LUZP2: variants seen among roughly 807,000 people sequenced by gnomAD.
LUZP2 encodes leucine zipper protein 2.
In LUZP2, 52 loss-of-function variants were observed where a neutral mutation model predicts 51.6. That is an observed-to-expected ratio of 1.01 (90% confidence interval 0.81 to 1.27). The LOEUF is 1.27. Ranked by LOEUF, LUZP2 falls within the 50% of genes most tolerant of loss-of-function variation. LUZP2 has a pLI of 0.00. For missense variants in LUZP2, 436 were observed against 395.4 expected, an observed-to-expected ratio of 1.10 and a Z score of -0.87; for synonymous variants, 154 against 137.3, an observed-to-expected ratio of 1.12 and a Z score of -0.85.
At chr11:24,819,584 C>T (rs1850296364) in intron 5 of LUZP2, among the ~76,000 whole-genome samples, 1 of 151,958 alleles carries the variant, frequency 6.6e-6, no homozygotes, top group African/African-American at 2.4e-5. Context: ...TTTTTTACTG[C>T]TTTATCAATT....
intron 7 of LUZP2, among the ~76,000 whole-genome samples, chr11:24,976,245 G>T (rs563112219): frequency 6.6e-6 from 1 of 151,984 alleles, no homozygotes; most frequent in African/African-American, 2.4e-5. Flanking sequence ...AATTTTGGGG[G>T]CATAAAATTC....
chr11:24,614,783 A>C (rs1209101630), intron 1 of LUZP2, among the ~76,000 whole-genome samples: 3 of 151,958 alleles, frequency 2.0e-5, no homozygotes, highest in Non-Finnish European at 4.4e-5. Flanking sequence ...GTCCATTACT[A>C]TCTTTTGCTT....
rs74949879 is a variant in LUZP2, at chr11:24,531,549, G to C, written c.62+34244G>C. 8.6e-3 allele frequency among the ~76,000 whole-genome samples: 1,295 copies of C among 150,872 alleles called. 25 individuals are homozygous for C. The highest frequency in any genetic ancestry group is 0.029 in the African/African-American group (1,193 of 41,382). ...GCATTTTTCCTATTCAGCTGTACTT[G>C]TGTATCTATTAGCCCACCTCTGGCT... On this transcript the variant is annotated intron_variant, in intron 1 of 11. Transcript: ENST00000336930.
At chr11:24,550,441 T>C (rs900274233) in intron 1 of LUZP2, among the ~76,000 whole-genome samples, 1 of 152,074 alleles carries the variant, frequency 6.6e-6, no homozygotes, top group Non-Finnish European at 1.5e-5. Context: ...AATATTATAT[T>C]CTACAACTGG....
chr11:24,541,846 A>C (rs1317634547), intron 1 of LUZP2, among the ~76,000 whole-genome samples: 1 of 152,062 alleles, frequency 6.6e-6, no homozygotes, highest in Non-Finnish European at 1.5e-5. Flanking sequence ...CTAAAATTCC[A>C]AAAATTCTAA....
intron 5 of LUZP2, among the ~76,000 whole-genome samples, chr11:24,792,414 A>C (rs1319418114): frequency 1.3e-5 from 2 of 150,550 alleles, no homozygotes; most frequent in African/African-American, 5.0e-5. Context: ...TGACAGAGCA[A>C]GACTCTGTCT....
At chr11:24,666,997 C>T (rs1856235082) in intron 1 of LUZP2, among the ~76,000 whole-genome samples, 1 of 152,086 alleles carries the variant, frequency 6.6e-6, no homozygotes, top group Admixed American at 6.6e-5. Context: ...CCTTTCGCCC[C>T]ATCATCAGTT....
At chr11:24,914,690 T>C (rs1030852713) in intron 7 of LUZP2, 152 bp downstream of exon 7, 4 of 614,162 alleles carry the variant, frequency 6.5e-6, no homozygotes, top group Non-Finnish European at 1.1e-5. Context: ...TCTTGACAAC[T>C]TAATTAATGG....
rs142976842 is a variant in LUZP2, at chr11:24,668,174, G to C, written c.63-60995G>C. ...GTTTGATTGAATTATTACAGAAAAA[G>C]TGTGGTTTTCTTGCTTCTTTAATCT... On this transcript the variant is annotated intron_variant, in intron 1 of 11. Transcript: ENST00000336930. Among the ~76,000 whole-genome samples, 7 of 152,304 alleles carry C rather than the reference G, an allele frequency of 4.6e-5. No homozygotes were observed. In the East Asian group the frequency reaches 1.4e-3, roughly 29 times the overall value.
intron 10 of LUZP2, among the ~76,000 whole-genome samples, chr11:25,074,547 A>G (rs1859245050): frequency 6.6e-6 from 1 of 152,182 alleles, no homozygotes; most frequent in Non-Finnish European, 1.5e-5. Flanking sequence ...AGCATTAATG[A>G]AATATATTGC....
Position 24,908,797 on chromosome 11 carries a change from C to G in LUZP2, c.459+2744C>G, listed in dbSNP as rs181653448. Among the ~76,000 whole-genome samples the G allele has an allele frequency of 7.4e-3, 1,113 of 149,794 alleles. 13 individuals are homozygous for G. Among genetic ancestry groups the G allele is most frequent in the African/African-American group, 0.022 (917 of 40,804 alleles). ...TTGAGACTGAGTCTCCCTCTGTTGCCCAGGCTGGAGTGCAGTGGCACGATC... is the reference window on the plus strand; with the variant it reads ...TTGAGACTGAGTCTCCCTCTGTTGCGCAGGCTGGAGTGCAGTGGCACGATC... On this transcript the variant is annotated intron_variant, in intron 6 of 11. Coordinates refer to ENST00000336930, the MANE Select transcript of LUZP2 (RefSeq NM_001009909.4).
intron 1 of LUZP2, among the ~76,000 whole-genome samples, chr11:24,598,171 G>T (rs1046109564): frequency 1.3e-5 from 2 of 151,596 alleles, no homozygotes; most frequent in African/African-American, 2.4e-5. Flanking sequence ...CAAAATTGTT[G>T]GATTGTGCCC....
At chr11:24,519,979 G>T (rs919426137) in intron 1 of LUZP2, among the ~76,000 whole-genome samples, 74 of 152,226 alleles carry the variant, frequency 4.9e-4, no homozygotes, top group African/African-American at 1.5e-3. Context: ...TATTATTAAT[G>T]ATTTATTTTC....
chr11:24,992,235 C>G lies in LUZP2; in HGVS notation c.765+8942C>G, dbSNP rs78829880. On this transcript the variant is annotated intron_variant, in intron 9 of 11. Coordinates refer to ENST00000336930, the MANE Select transcript of LUZP2 (RefSeq NM_001009909.4). The stretch of plus-strand genomic sequence containing the variant: ...CCAAAAACAGGCTGTAAGAAAATCA[C>G]ACTTAGTGGGATTGAATACTTAAAT... Among the ~76,000 whole-genome samples the G allele has an allele frequency of 6.8e-3, 1,028 of 152,158 alleles. 33 individuals carry two copies. The East Asian group carries it at 0.098, about 15-fold the overall frequency.
chr11:25,070,770 GGTGTGTGTGTGTGTGTGT>G (rs67504954), intron 10 of LUZP2, among the ~76,000 whole-genome samples: 13 of 141,388 alleles, frequency 9.2e-5, no homozygotes, highest in East Asian at 2.0e-4. Flanking sequence ...GACTGTGTAT[GGTGTGTGTGTGTGTGTGT>G]GTGTGTGTGT....
chr11:25,047,340 ATT>A (rs201926297), intron 9 of LUZP2, among the ~76,000 whole-genome samples: 38 of 14,368 alleles, frequency 2.6e-3, no homozygotes, highest in Admixed American at 3.8e-3. Context: ...TATTTTTTTT[ATT>A]TTTTTTTTTT....
At chr11:24,828,113 AAC>A (rs1185414703) in intron 5 of LUZP2, among the ~76,000 whole-genome samples, 1 of 152,104 alleles carries the variant, frequency 6.6e-6, no homozygotes, top group Non-Finnish European at 1.5e-5. Flanking sequence ...CTATAGAAAA[AAC>A]AATGAAAGAT....
chr11:24,933,699 A>G lies in LUZP2; in HGVS notation c.522+19161A>G, dbSNP rs7481303. Among the ~76,000 whole-genome samples, 296 of 152,274 alleles carry G rather than the reference A, an allele frequency of 1.9e-3. 1 individual carries two copies. Among genetic ancestry groups the G allele is most frequent in the African/African-American group, 6.8e-3 (284 of 41,572 alleles). ...GTCAAATGTTTCAGATACTATTTAA[A>G]TGGCTTGCATACTGTCATGCGCATC... On this transcript the variant is annotated intron_variant, in intron 7 of 11. Transcript: ENST00000336930.
intron 5 of LUZP2, among the ~76,000 whole-genome samples, chr11:24,785,536 T>TTGTCATTATGAA (rs767140548): frequency 2.2e-4 from 34 of 151,934 alleles, no homozygotes; most frequent in Non-Finnish European, 3.8e-4. Flanking sequence ...CATATTTATA[T>TTGTCATTATGAA]TGTCATTATG....
Sources: gnomAD v4.1 joint callset for allele counts (sites outside exome capture counted in the v4.1 genomes callset) on GRCh38, gnomAD v4.1.1 for gene constraint, MANE v1.5 for transcripts, NCBI Gene and HGNC (gene_info 2026-07-23, HGNC 2026-07-21) for gene names.